SLC12A2: variants seen among roughly 807,000 people sequenced by gnomAD.
SLC12A2 encodes the protein solute carrier family 12 member 2, also known as Na-K-2Cl cotransporter 1.
Under a neutral mutation model 136.3 loss-of-function variants are expected in SLC12A2, and 67 were observed. The observed-to-expected ratio is 0.49, with a 90% CI of 0.40 to 0.60. SLC12A2 has a LOEUF of 0.60. Ranked by LOEUF, SLC12A2 falls within the 20% of genes least tolerant of loss-of-function variation. The pLI is 0.00. For synonymous variants in SLC12A2, 619 were observed against 562.9 expected, an observed-to-expected ratio of 1.10 and a Z score of -1.41; for missense variants, 1,322 against 1,534.7, an observed-to-expected ratio of 0.86 and a Z score of 2.32.
chr5:128,126,972 T>TATATATATATAA (rs1761833098), intron 4 of SLC12A2, among the ~76,000 whole-genome samples: 2 of 99,200 alleles, frequency 2.0e-5, no homozygotes, highest in African/African-American at 1.2e-4. Flanking sequence ...ATATATTTTT[T>TATATATATATAA]TTTTTTTTTT....
rs1762381772 is a variant in SLC12A2, at chr5:128,142,000, A to G, written c.1773+19A>G. The G allele has an allele frequency of 6.2e-7, 1 of 1,607,078 alleles. No individual in the cohort carries two copies. Among genetic ancestry groups the G allele is most frequent in the South Asian group, 1.1e-5 (1 of 90,764 alleles). ...CTTCCAGGTGAGCATTGACTTTGTA[A>G]TATACAGACATTCTGTATTTATCTA... On this transcript the variant is annotated intron_variant, in intron 10 of 26. Coordinates refer to ENST00000262461, the MANE Select transcript of SLC12A2 (RefSeq NM_001046.3).
chr5:128,158,273 T>C, intron 16 of SLC12A2, 109 bp downstream of exon 16: 1 of 778,148 alleles, frequency 1.3e-6, no homozygotes, highest in South Asian at 1.9e-5. Context: ...GTCACAGGGG[T>C]TTGGTGTACA....
intron 1 of SLC12A2, among the ~76,000 whole-genome samples, chr5:128,089,468 A>C (rs982534497): frequency 3.3e-5 from 5 of 152,202 alleles, no homozygotes; most frequent in African/African-American, 1.2e-4. Context: ...GCTAGGACAT[A>C]GTAGCAGCAG....
At chr5:128,172,976 AC>A (rs1763426184) in intron 19 of SLC12A2, among the ~76,000 whole-genome samples, 1 of 151,402 alleles carries the variant, frequency 6.6e-6, no homozygotes, top group South Asian at 2.1e-4. Flanking sequence ...AAAACAAAAA[AC>A]AAAAAAAAAA....
intron 13 of SLC12A2, among the ~76,000 whole-genome samples, chr5:128,150,541 A>C (rs1479622619): frequency 6.6e-6 from 1 of 151,882 alleles, no homozygotes; most frequent in Non-Finnish European, 1.5e-5. Context: ...TGAAAGTCTG[A>C]GAACAGGGAA....
intron 1 of SLC12A2, among the ~76,000 whole-genome samples, chr5:128,099,034 A>G (rs1760648439): frequency 6.6e-6 from 1 of 152,172 alleles, no homozygotes; most frequent in Non-Finnish European, 1.5e-5. Flanking sequence ...AGCTACATCT[A>G]TCATGAGTAT....
intron 10 of SLC12A2, among the ~76,000 whole-genome samples, chr5:128,143,035 A>G (rs1387094340): frequency 6.6e-6 from 1 of 152,094 alleles, no homozygotes; most frequent in Admixed American, 6.6e-5. Context: ...TTAAACTGGT[A>G]TATCAGTTTG....
intron 16 of SLC12A2, among the ~76,000 whole-genome samples, chr5:128,158,713 AT>A (rs1762940066): frequency 6.6e-6 from 1 of 152,184 alleles, no homozygotes. Flanking sequence ...CTTTGGATAT[AT>A]ACCCAATAAT....
Position 128,123,044 on chromosome 5 carries a change from C to G in SLC12A2, c.1049-8023C>G, listed in dbSNP as rs117451298. Among the ~76,000 whole-genome samples the G allele has an allele frequency of 4.9e-4, 75 of 152,170 alleles. 1 individual carries two copies. The East Asian group carries it at 0.014, about 29-fold the overall frequency. The stretch of plus-strand genomic sequence containing the variant: ...ATCTGGCAAGTAATAGAATTTTCAG[C>G]ATGGGTTTTTTCTTTACTCATTGGT... On this transcript the variant is annotated intron_variant, in intron 4 of 26. Coordinates refer to ENST00000262461, the MANE Select transcript of SLC12A2 (RefSeq NM_001046.3).
intron 1 of SLC12A2, among the ~76,000 whole-genome samples, chr5:128,094,644 G>A (rs527951057): frequency 2.9e-4 from 44 of 152,066 alleles, no homozygotes; most frequent in African/African-American, 9.9e-4. Flanking sequence ...GTGTATGGAT[G>A]TATCTCTTCC....
intron 1 of SLC12A2, chr5:128,111,059 T>C (rs943011222): frequency 1.8e-5 from 11 of 621,686 alleles, no homozygotes; most frequent in Non-Finnish European, 3.3e-5. Flanking sequence ...AAAAGAATTT[T>C]TTTAAGTATT....
At position 128,186,985 on chromosome 5, in the gene SLC12A2, T is replaced by C. The variant is rs1009285017; in HGVS notation, c.*354T>C. ...GGTGCCTTCTGAAATTAACCAAATT[T>C]CATCCATATATCCTCTTTTATAAAC... On this transcript the variant is annotated 3_prime_UTR_variant, in exon 27 of 27. Transcript: ENST00000262461. 1.1e-5 allele frequency: 2 copies of C among 178,484 alleles called. No homozygotes were observed. The highest frequency in any genetic ancestry group is 4.7e-5 in the African/African-American group (2 of 42,250). The allele number at this position is 178,484 out of a possible 1,614,324, so 11.1% of individuals were successfully genotyped here.
chr5:128,114,539 T>G (rs1188743750), intron 3 of SLC12A2, 47 bp from the exon 4 acceptor site: 2 of 1,316,956 alleles, frequency 1.5e-6, no homozygotes, highest in Non-Finnish European at 2.2e-6. Flanking sequence ...ACCGATGAGC[T>G]TAAACAAGAG....
chr5:128,147,525 A>G, intron 10 of SLC12A2, 97 bp from the exon 11 acceptor site: 2 of 691,774 alleles, frequency 2.9e-6, no homozygotes, highest in South Asian at 1.8e-5. Context: ...AATGATCCCT[A>G]GTGTTAACCT....
chr5:128,085,076 A>G (rs1263335238), intron 1 of SLC12A2, among the ~76,000 whole-genome samples: 4 of 151,048 alleles, frequency 2.6e-5, no homozygotes, highest in Admixed American at 2.6e-4. Context: ...CTCTCGAGAG[A>G]GGTTGGAGAG....
At chr5:128,161,638 T>C (rs1207048977) in intron 16 of SLC12A2, 22 bp from the exon 17 acceptor site, 1 of 1,320,162 alleles carries the variant, frequency 7.6e-7, no homozygotes, top group Non-Finnish European at 9.7e-7. Flanking sequence ...ATTAAATATA[T>C]TATTAATATT....
At chr5:128,099,925 AT>A (rs913954808) in intron 1 of SLC12A2, among the ~76,000 whole-genome samples, 4 of 151,978 alleles carry the variant, frequency 2.6e-5, no homozygotes, top group African/African-American at 9.7e-5. Context: ...TACAGTTATT[AT>A]TTTTTTTAAG....
intron 1 of SLC12A2, among the ~76,000 whole-genome samples, chr5:128,104,197 T>A (rs1341615048): frequency 6.6e-6 from 1 of 151,976 alleles, no homozygotes; most frequent in Non-Finnish European, 1.5e-5. Context: ...CTAATGAGGA[T>A]TTTTTAATTG....
At chr5:128,145,603 A>T (rs1762508389) in intron 10 of SLC12A2, among the ~76,000 whole-genome samples, 1 of 152,098 alleles carries the variant, frequency 6.6e-6, no homozygotes. Context: ...CCCCACTCTT[A>T]GAAGTCTGCT....
Sources: allele counts gnomAD v4.1 joint callset (sites outside exome capture counted in the v4.1 genomes callset), GRCh38; gene constraint gnomAD v4.1.1; transcripts MANE v1.5; gene names NCBI Gene and HGNC (gene_info 2026-07-23, HGNC 2026-07-21).